Variants in LSS observed in about 807,000 individuals in gnomAD.
LSS encodes the protein 2,3-epoxysqualene-lanosterol cyclase.
A neutral mutation model predicts 110.3 loss-of-function variants in LSS; 90 were observed. The ratio of observed to expected loss-of-function variants is 0.82; its 90% CI spans 0.69 to 0.97. The LOEUF (loss-of-function observed/expected upper bound fraction) is 0.97. LSS is among the 50% of genes least tolerant of loss of function. The probability of loss-of-function intolerance (pLI) is 0.00; values close to 1 mark genes in which losing one functional copy is unlikely to be tolerated. For synonymous variants in LSS, 433 were observed against 400.0 expected (o/e 1.08, Z -0.98); for missense variants, 927 against 990.0 (o/e 0.94, Z 0.85).
intron 17 of LSS, 113 bp from the exon 18 acceptor site, chr21:46,196,380 C>T: frequency 1.2e-6 from 1 of 866,302 alleles, no homozygotes; most frequent in Non-Finnish European, 1.9e-6. Context: ...TTAAAAACCA[C>T]ATAAAAATAA....
chr21:46,208,354 G>T, intron 13 of LSS, 53 bp from the exon 14 acceptor site: 2 of 1,455,206 alleles, frequency 1.4e-6, no homozygotes, highest in South Asian at 1.2e-5. Flanking sequence ...ACCACGGGAC[G>T]TCCCCATCTG....
intron 20 of LSS, chr21:46,192,800 G>T: frequency 2.2e-6 from 1 of 444,694 alleles, no homozygotes; most frequent in Non-Finnish European, 4.5e-6. Context: ...GCATAGACCT[G>T]TGTGTACATC....
Position 46,217,131 on chromosome 21 carries a change from C to T in LSS, c.648-607G>A, listed in dbSNP as rs912712761. Among the ~76,000 whole-genome samples the T allele has an allele frequency of 2.0e-5, 3 of 151,012 alleles. No individual in the cohort carries two copies. In the East Asian group the frequency reaches 5.8e-4, roughly 29 times the overall value. ...GCATGGTGGTGTGTGCCTCTAGTCC[C>T]AGCTACTCGGGAGGCTGAGGCAGGA... is the stretch of plus-strand genomic sequence containing the variant. On this transcript the variant is annotated intron_variant, in intron 6 of 21. Coordinates refer to ENST00000397728, the MANE Select transcript of LSS (RefSeq NM_002340.6).
intron 5 of LSS, among the ~76,000 whole-genome samples, chr21:46,220,815 T>TTGGGGCTTGGAGAGGTGGACAGCC: frequency 7.6e-6 from 1 of 132,016 alleles, no homozygotes; most frequent in African/African-American, 2.9e-5. Context: ...AGGTAGACAG[T>TTGGGGCTTGGAGAGGTGGACAGCC]TGGGGCTTGG....
chr21:46,213,021 T>G lies in LSS; in HGVS notation c.1137+4A>C. Reference sequence around the variant, plus strand: ...GCATGCAGCCGCAGTCCCGCAGCCCTTACCTGCATTTTCATGCCGTCAAGG... The same window carrying G: ...GCATGCAGCCGCAGTCCCGCAGCCCGTACCTGCATTTTCATGCCGTCAAGG... On this transcript the variant is annotated splice_donor_region_variant and intron_variant, in intron 11 of 21. Transcript: ENST00000397728. 1 of 1,614,004 alleles carries G rather than the reference T, an allele frequency of 6.2e-7. No individual in the cohort carries two copies. Among genetic ancestry groups the G allele is most frequent in the Non-Finnish European group, 8.5e-7 (1 of 1,180,008 alleles).
chr21:46,213,117 A>G, intron 10 of LSS, 65 bp from the exon 11 acceptor site: 1 of 1,510,944 alleles, frequency 6.6e-7, no homozygotes. Flanking sequence ...TGCTACCCAG[A>G]CCCTGCACTC....
chr21:46,222,085 T>TAAC, intron 4 of LSS, 110 bp from the exon 5 acceptor site: 2 of 1,205,576 alleles, frequency 1.7e-6, no homozygotes, highest in Non-Finnish European at 2.3e-6. Context: ...TAAAATGCCT[T>TAAC]AACCTGACAT....
Position 46,213,027 on chromosome 21 carries a change from G to A in LSS, c.1135C>T (p.Gln379Ter), listed in dbSNP as rs2080153682. ...LWMGLDGMKM[Q>*]GTNGSQIWDT... ...AGCCGCAGTCCCGCAGCCCTTACCT[G>A]CATTTTCATGCCGTCAAGGCCCATC... Residue 379 changes from glutamine (Q) to a stop codon, truncating the protein, a stop_gained and splice_region_variant, in exon 11 of 22, where the codon CAG becomes TAG. Transcript: ENST00000397728. LOFTEE classifies it high-confidence loss of function. 6.2e-7 allele frequency: 1 copy of A among 1,613,974 alleles called. No homozygotes were observed. Among genetic ancestry groups the A allele is most frequent in the South Asian group, 1.1e-5 (1 of 91,066 alleles).
chr21:46,218,282 G>C (rs928758438), intron 6 of LSS, among the ~76,000 whole-genome samples: 1 of 152,026 alleles, frequency 6.6e-6, no homozygotes, highest in Non-Finnish European at 1.5e-5. Context: ...ATGCACGAGT[G>C]TTTTCTGGGG....
rs751438211 is a variant in LSS, at chr21:46,191,110, G to A, written c.2193C>T (p.His731=). 6.2e-7 allele frequency: 1 copy of A among 1,614,134 alleles called. No individual in the cohort carries two copies. Among genetic ancestry groups the A allele is most frequent in the Admixed American group, 1.7e-5 (1 of 60,020 alleles). Residue 731 remains histidine (H), a synonymous_variant, in exon 22 of 22, where the codon CAC becomes CAT. Transcript: ENST00000397728. ...CCAGCAGGTAGGCATGTTCTCAGGG[G>A]TGGCCAGCAAGGGCTCTCTCAGGGT... ...QLYPERALAG[H]P is the part of the protein sequence containing the mutation.
intron 12 of LSS, 49 bp downstream of exon 12, chr21:46,210,639 G>C: frequency 6.3e-7 from 1 of 1,591,808 alleles, no homozygotes. Flanking sequence ...GTGGGCTCAC[G>C]TGCACAGGAA....
At position 46,208,033 on chromosome 21, in the gene LSS, C is replaced by T. The variant is rs1014485893; in HGVS notation, c.1317+218G>A. ...TGACCACTGGAACTGCTCTGAGGCA[C>T]GGCTGTGTGTGCAAGCCAACTGTGC... On this transcript the variant is annotated intron_variant, in intron 14 of 21. Transcript: ENST00000397728. 1.3e-5 allele frequency among the ~76,000 whole-genome samples: 2 copies of T among 152,372 alleles called. 1 individual carries two copies. Among genetic ancestry groups the T allele is most frequent in the South Asian group, 4.1e-4 (2 of 4,830 alleles).
In LSS at chr21:46,227,568, T is replaced by G; in HGVS notation, c.303A>C (p.Pro101=). ...DGHWTGDYGG[P]LFLLPGLLIT... ...TACTCCTACCTGGCAGGAGGAAAAGTGGGCCACCATAATCACCCGTCCAGT... is the reference window on the plus strand; with the variant it reads ...TACTCCTACCTGGCAGGAGGAAAAGGGGGCCACCATAATCACCCGTCCAGT... Residue 101 remains proline, a synonymous_variant, in exon 3 of 22, where the codon CCA becomes CCC. Coordinates refer to ENST00000397728, the MANE Select transcript of LSS (RefSeq NM_002340.6). 6.2e-7 allele frequency: 1 copy of G among 1,613,920 alleles called. No homozygotes were observed. The highest frequency in any genetic ancestry group is 8.5e-7 in the Non-Finnish European group (1 of 1,179,990).
At position 46,212,939 on chromosome 21, in the gene LSS, A is replaced by T. The variant is rs2080152173; in HGVS notation, c.1137+86T>A. 3 of 1,514,038 alleles carry T rather than the reference A, an allele frequency of 2.0e-6. No homozygotes were observed. In the South Asian group the frequency reaches 3.4e-5, roughly 17 times the overall value. The allele number at this position is 1,514,038 out of a possible 1,614,324, so 93.8% of individuals were successfully genotyped here. On this transcript the variant is annotated intron_variant, in intron 11 of 21. Transcript: ENST00000397728. ...CGCTGCCGGGACCTGGTCCAGGAGG[A>T]GTTATTTCTGAACCCCAAAGGAAAA...
intron 2 of LSS, among the ~76,000 whole-genome samples, chr21:46,228,030 G>A (rs1478477387): frequency 6.6e-6 from 1 of 152,206 alleles, no homozygotes; most frequent in African/African-American, 2.4e-5. Flanking sequence ...CCCAAGGGGC[G>A]GCACAGCCTT....
At chr21:46,193,246 G>C (rs2079853479) in intron 20 of LSS, 1 of 354,710 alleles carries the variant, frequency 2.8e-6, no homozygotes, top group African/African-American at 3.3e-5. Flanking sequence ...GCCTGTGCAT[G>C]CGTATGTGTG....
At chr21:46,210,945 G>A (rs867001643) in intron 11 of LSS, among the ~76,000 whole-genome samples, 5 of 152,258 alleles carry the variant, frequency 3.3e-5, no homozygotes, top group South Asian at 4.1e-4. Flanking sequence ...GCAGACACAC[G>A]TCGGGGAGAC....
At chr21:46,203,202 T>G (rs1220307946) in intron 17 of LSS, among the ~76,000 whole-genome samples, 2 of 152,172 alleles carry the variant, frequency 1.3e-5, no homozygotes, top group Non-Finnish European at 2.9e-5. Flanking sequence ...GGAATAATAA[T>G]GGTCATGAAT....
rs543484747 is a variant in LSS at position 46,193,058 on chromosome 21, G to A, written c.1989-1099C>T. On this transcript the variant is annotated intron_variant, in intron 20 of 21. Transcript: ENST00000397728. ...TGTATGTGCATCTGTCTCCATGTAC[G>A]TATGTCTGTGTGTGGCACAGATGGG... 170 of 431,600 alleles carry A rather than the reference G, an allele frequency of 3.9e-4. 1 individual carries two copies. The highest frequency in any genetic ancestry group is 8.1e-4 in the Middle Eastern group (2 of 2,468). 26.7% of individuals were successfully genotyped at this position (431,600 alleles called of 1,614,324 possible). A position where few individuals can be genotyped will look rare whatever the true frequency, so the allele number is the denominator to read the frequency against.
Sources: gnomAD v4.1 joint callset for allele counts (sites outside exome capture counted in the v4.1 genomes callset) on GRCh38, gnomAD v4.1.1 for gene constraint, MANE v1.5 for transcripts, NCBI Gene and HGNC (gene_info 2026-07-23, HGNC 2026-07-21) for gene names.